The following AFF2 variants were observed in gnomAD, a reference collection of about 807,000 sequenced individuals.
AFF2 encodes ALF transcription elongation factor 2.
A neutral mutation model predicts 76.9 loss-of-function variants in AFF2; 14 were observed. That is an observed-to-expected ratio of 0.18 (90% confidence interval 0.12 to 0.28). The LOEUF is 0.28. Among genes scored for constraint, AFF2 ranks in the 10% least tolerant of loss-of-function variants. The pLI, the probability that AFF2 is intolerant of heterozygous loss-of-function variation, is 1.00. For missense variants in AFF2, 868 were observed against 1,001.1 expected (o/e 0.87, Z 1.79); for synonymous variants, 398 against 366.7 (o/e 1.09, Z -0.98).
chrX:148,555,696 T>C (rs2053044634), intron 1 of AFF2, among the ~76,000 whole-genome samples: 2 of 112,173 alleles, frequency 1.8e-5, no homozygotes, highest in Admixed American at 1.9e-4. Flanking sequence ...CCAATGACTA[T>C]AGGTTTCCCA....
intron 4 of AFF2, among the ~76,000 whole-genome samples, chrX:148,820,284 G>A (rs2070312917): frequency 9.0e-6 from 1 of 111,228 alleles, no homozygotes; most frequent in Admixed American, 9.6e-5. Flanking sequence ...TATTTGGGTT[G>A]GCTACTCTAT....
intron 3 of AFF2, among the ~76,000 whole-genome samples, chrX:148,689,640 G>C (rs1385436319): frequency 8.9e-6 from 1 of 111,846 alleles, no homozygotes; most frequent in African/African-American, 3.3e-5. Context: ...GAGTTGAACA[G>C]ATGTCTTTTG....
intron 3 of AFF2, among the ~76,000 whole-genome samples, chrX:148,792,468 A>G (rs1317993404): frequency 1.8e-5 from 2 of 112,833 alleles, no homozygotes; most frequent in Non-Finnish European, 3.7e-5. Flanking sequence ...AAATAAAAAT[A>G]ATATATAACC....
In AFF2 at chrX:148,654,658, A is replaced by G. The variant is rs373739076; in HGVS notation, c.180+2527A>G. ...CGGAGGAGATTAAAAATAATACAAG[A>G]TGGAGAGCAGTTGAGGAATCATGAG... On this transcript the variant is annotated intron_variant, in intron 2 of 20. Coordinates refer to ENST00000370460, the MANE Select transcript of AFF2 (RefSeq NM_002025.4). Among the ~76,000 whole-genome samples, 5 of 109,309 alleles carry G rather than the reference A, an allele frequency of 4.6e-5. No homozygotes were observed. The East Asian group carries it at 8.7e-4, about 19-fold the overall frequency. 94.9% of individuals were successfully genotyped at this position (109,309 alleles called of 115,157 possible). A position where few individuals can be genotyped will look rare whatever the true frequency, so the allele number is the denominator to read the frequency against.
chrX:148,825,320 C>T (rs2124654263), intron 4 of AFF2, among the ~76,000 whole-genome samples: 1 of 111,753 alleles, frequency 8.9e-6, no homozygotes, highest in Admixed American at 9.5e-5. Context: ...ACAAGAAAAA[C>T]TACTTCTCTG....
intron 13 of AFF2, among the ~76,000 whole-genome samples, chrX:148,965,305 T>A (rs2072158565): frequency 2.7e-5 from 3 of 112,198 alleles, no homozygotes; most frequent in Non-Finnish European, 5.6e-5. Flanking sequence ...TTAACTGCAA[T>A]TAACTGGTAA....
Position 148,581,339 on chromosome X carries a change from C to T in AFF2, c.48-70660C>T, listed in dbSNP as rs1353862589. On this transcript the variant is annotated intron_variant, in intron 1 of 20. Transcript: ENST00000370460. ...ACGTGTACACACATATATACGTATA[C>T]GTATACGTGTACACACATATATACG... Among the ~76,000 whole-genome samples the T allele has an allele frequency of 2.0e-4, 20 of 98,488 alleles. 5 individuals are homozygous for T. The highest frequency in any genetic ancestry group is 3.1e-4 in the Non-Finnish European group (15 of 48,615). The allele number at this position is 98,488 out of a possible 115,157, so 85.5% of individuals were successfully genotyped here. A position where few individuals can be genotyped will look rare whatever the true frequency, so the allele number is the denominator to read the frequency against.
intron 3 of AFF2, among the ~76,000 whole-genome samples, chrX:148,665,155 C>T (rs1557258321): frequency 9.0e-6 from 1 of 111,635 alleles, no homozygotes; most frequent in East Asian, 2.8e-4. Flanking sequence ...AATCACAGAC[C>T]CAGCGAAATC....
chrX:148,675,229 T>C (rs2054470619), intron 3 of AFF2, among the ~76,000 whole-genome samples: 1 of 110,524 alleles, frequency 9.0e-6, no homozygotes, highest in African/African-American at 3.3e-5. Flanking sequence ...AGTTAAGGCT[T>C]TAAAGATGAG....
intron 1 of AFF2, among the ~76,000 whole-genome samples, chrX:148,583,543 T>G (rs2053435754): frequency 9.0e-6 from 1 of 111,658 alleles, no homozygotes; most frequent in Non-Finnish European, 1.9e-5. Context: ...TGCTAAGTCC[T>G]CTTAGCAGAT....
At chrX:148,608,608 G>A (rs1471052293) in intron 1 of AFF2, among the ~76,000 whole-genome samples, 4 of 109,041 alleles carry the variant, frequency 3.7e-5, no homozygotes, top group Non-Finnish European at 7.6e-5. Flanking sequence ...CTCAGACTTA[G>A]CCATCCTCCC....
At chrX:148,739,399 G>A (rs2055323117) in intron 3 of AFF2, among the ~76,000 whole-genome samples, 1 of 111,821 alleles carries the variant, frequency 8.9e-6, no homozygotes, top group Admixed American at 9.5e-5. Flanking sequence ...AACTGCCATT[G>A]CTTTAAAATT....
intron 3 of AFF2, among the ~76,000 whole-genome samples, chrX:148,665,312 G>A (rs1933050791): frequency 8.9e-6 from 1 of 112,176 alleles, no homozygotes; most frequent in Non-Finnish European, 1.9e-5. Context: ...CTCTGGAGAC[G>A]ATTATCCCAG....
chrX:148,970,404 G>T (rs1212547160), intron 15 of AFF2, among the ~76,000 whole-genome samples: 1 of 111,948 alleles, frequency 8.9e-6, no homozygotes, highest in Non-Finnish European at 1.9e-5. Context: ...CAGTTGCATA[G>T]AAAATATTTT....
chrX:148,837,638 C>T lies in AFF2; in HGVS notation c.1087-9C>T. On this transcript the variant is annotated splice_polypyrimidine_tract_variant and intron_variant, in intron 4 of 20. Transcript: ENST00000370460. ...CCTGAAATAAAGTTTCTTTATTTTT[C>T]CTCATTAGGAGATGACCCATTCCTG... 1 of 1,107,708 alleles carries T rather than the reference C, an allele frequency of 9.0e-7. No homozygotes were observed. Among genetic ancestry groups the T allele is most frequent in the Non-Finnish European group, 1.2e-6 (1 of 803,897 alleles). 91.3% of individuals were successfully genotyped at this position (1,107,708 alleles called of 1,213,427 possible).
At chrX:148,555,244 CAG>C (rs782608890) in intron 1 of AFF2, among the ~76,000 whole-genome samples, 3 of 112,295 alleles carry the variant, frequency 2.7e-5, no homozygotes, top group African/African-American at 9.7e-5. Flanking sequence ...CAATTAAAAA[CAG>C]AGTACATTAA....
Position 148,946,142 on chromosome X carries a change from G to A in AFF2, c.1398-7438G>A, listed in dbSNP as rs782227744. Among the ~76,000 whole-genome samples the A allele has an allele frequency of 9.8e-5, 11 of 112,262 alleles. No individual in the cohort carries two copies. The South Asian group carries it at 3.7e-3, about 38-fold the overall frequency. On this transcript the variant is annotated intron_variant, in intron 9 of 20. Transcript: ENST00000370460. ...AAATAGGAACCAACAGCTGGTGATC[G>A]AAAAATGTAAAAAGCCGGTCATTTA...
chrX:148,930,646 G>C (rs899651698), intron 9 of AFF2, among the ~76,000 whole-genome samples: 2 of 112,303 alleles, frequency 1.8e-5, no homozygotes, highest in South Asian at 7.4e-4. Flanking sequence ...TTTCAATTGC[G>C]TTGGTCCCAA....
At chrX:148,623,813 G>T (rs1569552304) in intron 1 of AFF2, among the ~76,000 whole-genome samples, 2 of 110,706 alleles carry the variant, frequency 1.8e-5, no homozygotes, top group Non-Finnish European at 3.8e-5. Flanking sequence ...AGCAACTCCA[G>T]ATTCATAGTC....
Sources: allele counts gnomAD v4.1 joint callset (sites outside exome capture counted in the v4.1 genomes callset), GRCh38; gene constraint gnomAD v4.1.1; transcripts MANE v1.5; gene names NCBI Gene and HGNC (gene_info 2026-07-23, HGNC 2026-07-21).